PRIM2: variants seen among roughly 807,000 people sequenced by gnomAD.
PRIM2 encodes DNA primase subunit 2, also known as DNA primase large subunit.
A neutral mutation model predicts 67.3 loss-of-function variants in PRIM2; 39 were observed. The ratio of observed to expected loss-of-function variants is 0.58; its 90% CI spans 0.45 to 0.76. The LOEUF (loss-of-function observed/expected upper bound fraction) is 0.76, where lower values mean the gene tolerates loss of function less well. PRIM2 is among the 30% of genes least tolerant of loss of function. The pLI is 0.00. For missense variants in PRIM2, 398 were observed against 598.7 expected (o/e 0.66, Z 3.50); for synonymous variants, 143 against 198.7 (o/e 0.72, Z 2.36).
intron 5 of PRIM2, among the ~76,000 whole-genome samples, chr6:57,341,476 C>G (rs939305888): frequency 5.3e-5 from 8 of 152,096 alleles, no homozygotes; most frequent in African/African-American, 1.9e-4. Flanking sequence ...CTTTTCCCAT[C>G]TTTTTCATGG....
the PRIM2 span, among the ~76,000 whole-genome samples, chr6:57,255,571 T>C: frequency 6.6e-6 from 1 of 151,982 alleles, no homozygotes; most frequent in African/African-American, 2.4e-5. Flanking sequence ...CAATGATCAA[T>C]GTTAGGTCAT....
upstream of PRIM2, among the ~76,000 whole-genome samples, chr6:57,312,034 GGAGA>G (rs1767402343): frequency 3.4e-5 from 1 of 29,190 alleles, no homozygotes; most frequent in Non-Finnish European, 6.3e-5. Flanking sequence ...AGGGGAGACG[GGAGA>G]GGGGAGAGGG....
At chr6:57,610,204 C>G (rs1269411461) in intron 12 of PRIM2, among the ~76,000 whole-genome samples, 3 of 152,094 alleles carry the variant, frequency 2.0e-5, no homozygotes, top group Non-Finnish European at 4.4e-5. Flanking sequence ...AAGTAGCTGG[C>G]ATTACAGGCA....
intron 7 of PRIM2, among the ~76,000 whole-genome samples, chr6:57,453,504 C>T: frequency 6.6e-6 from 1 of 152,072 alleles, no homozygotes; most frequent in Non-Finnish European, 1.5e-5. Flanking sequence ...TCCTTCACAT[C>T]CCTTGTAAGT....
intron 7 of PRIM2, among the ~76,000 whole-genome samples, chr6:57,471,825 T>C (rs1773343059): frequency 6.6e-6 from 1 of 152,242 alleles, no homozygotes; most frequent in African/African-American, 2.4e-5. Flanking sequence ...TTTATTTGTG[T>C]AGCAATAACA....
At chr6:57,352,644 A>G (rs549943515) in intron 5 of PRIM2, among the ~76,000 whole-genome samples, 2,551 of 152,216 alleles carry the variant, frequency 0.017, 71 homozygotes, top group African/African-American at 0.059. Context: ...GGGTGATGAT[A>G]CTCACACTGA....
chr6:57,602,719 T>C (rs1409952696), intron 11 of PRIM2, among the ~76,000 whole-genome samples: 1 of 152,232 alleles, frequency 6.6e-6, no homozygotes, highest in East Asian at 1.9e-4. Flanking sequence ...TATCTTGTTA[T>C]CCCAGTGCTT....
At chr6:57,559,415 T>C (rs1239046896) in intron 10 of PRIM2, among the ~76,000 whole-genome samples, 1 of 152,214 alleles carries the variant, frequency 6.6e-6, no homozygotes, top group Non-Finnish European at 1.5e-5. Flanking sequence ...TACCTTGTAC[T>C]TCTTATCTGC....
At chr6:57,344,069 A>C (rs1170921140) in intron 5 of PRIM2, among the ~76,000 whole-genome samples, 2 of 152,038 alleles carry the variant, frequency 1.3e-5, no homozygotes, top group East Asian at 3.9e-4. Context: ...CTTATCAAGA[A>C]GAGGTTTCAG....
chr6:57,314,666 A>C (rs1339940537), upstream of PRIM2: 1 of 152,170 alleles, frequency 6.6e-6, no homozygotes, highest in Non-Finnish European at 1.5e-5. Flanking sequence ...TGGAAGTAAA[A>C]CTTACATGTT....
At chr6:57,431,689 T>A (rs1771835314) in intron 7 of PRIM2, among the ~76,000 whole-genome samples, 1 of 152,186 alleles carries the variant, frequency 6.6e-6, no homozygotes, top group East Asian at 1.9e-4. Context: ...CAGTTCATTT[T>A]TGAGAGATAA....
At chr6:57,412,592 A>G (rs1402492105) in intron 7 of PRIM2, among the ~76,000 whole-genome samples, 7 of 152,188 alleles carry the variant, frequency 4.6e-5, no homozygotes, top group South Asian at 2.1e-4. Context: ...CAACTCTTCA[A>G]TTATTCAGGA....
At chr6:57,585,735 A>C (rs1330645390) in intron 10 of PRIM2, among the ~76,000 whole-genome samples, 5 of 152,216 alleles carry the variant, frequency 3.3e-5, no homozygotes, top group Admixed American at 3.3e-4. Flanking sequence ...AATTGAAACC[A>C]AAGGTCAAGG....
chr6:57,335,374 C>T (rs1156524780), intron 5 of PRIM2, among the ~76,000 whole-genome samples: 2 of 152,246 alleles, frequency 1.3e-5, no homozygotes, highest in African/African-American at 4.8e-5. Context: ...CTCAAGGAGG[C>T]CTGCCTGCCT....
chr6:57,480,200 G>A (rs1382149442), intron 7 of PRIM2, among the ~76,000 whole-genome samples: 1 of 152,186 alleles, frequency 6.6e-6, no homozygotes. Flanking sequence ...GTTGAAGTCT[G>A]AGTACATTTC....
intron 3 of PRIM2, among the ~76,000 whole-genome samples, chr6:57,321,965 A>G (rs149486966): frequency 8.5e-5 from 13 of 152,316 alleles, no homozygotes; most frequent in Admixed American, 5.2e-4. Flanking sequence ...TAGATTATGT[A>G]AGATGAATTG....
chr6:57,384,626 C>G (rs574559793), intron 7 of PRIM2, among the ~76,000 whole-genome samples: 3,363 of 152,120 alleles, frequency 0.022, 56 homozygotes, highest in Non-Finnish European at 0.03. Context: ...ATGTGTCTGC[C>G]CCTTTAGATG....
At chr6:57,529,308 C>T (rs1411224648) in intron 8 of PRIM2, among the ~76,000 whole-genome samples, 1 of 150,540 alleles carries the variant, frequency 6.6e-6, no homozygotes, top group Non-Finnish European at 1.5e-5. Flanking sequence ...AGCGAGACTC[C>T]GTCTCAAAAA....
chr6:57,386,334 C>T (rs1012986386), intron 7 of PRIM2, among the ~76,000 whole-genome samples: 2 of 144,232 alleles, frequency 1.4e-5, no homozygotes, highest in Non-Finnish European at 3.0e-5. Context: ...GGGGGGATCA[C>T]TTGAGCCTGG....
Sources: gnomAD v4.1 joint callset for allele counts (sites outside exome capture counted in the v4.1 genomes callset) on GRCh38, gnomAD v4.1.1 for gene constraint, MANE v1.5 for transcripts, NCBI Gene and HGNC (gene_info 2026-07-23, HGNC 2026-07-21) for gene names.